The following CLMP variants were observed in gnomAD, a reference collection of about 807,000 sequenced individuals.
CLMP encodes the protein CXADR-like membrane protein.
A neutral mutation model predicts 45.2 loss-of-function variants in CLMP; 27 were observed. The observed-to-expected ratio is 0.60, with a 90% CI of 0.44 to 0.82. The LOEUF is 0.82. Ranked by LOEUF, CLMP falls within the 40% of genes least tolerant of loss-of-function variation. CLMP has a pLI of 0.00. For missense variants in CLMP, 403 were observed against 448.4 expected (o/e 0.90, Z 0.91); for synonymous variants, 167 against 171.4 (o/e 0.97, Z 0.20).
chr11:123,112,224 C>T (rs927833754), intron 1 of CLMP, among the ~76,000 whole-genome samples: 2 of 152,152 alleles, frequency 1.3e-5, no homozygotes, highest in African/African-American at 4.8e-5. Context: ...ATTACGAAAC[C>T]CTGGAATGCT....
chr11:123,075,243 C>T (rs959293883), intron 5 of CLMP, among the ~76,000 whole-genome samples: 2 of 152,174 alleles, frequency 1.3e-5, no homozygotes, highest in African/African-American at 4.8e-5. Context: ...CGGGAGCCAC[C>T]GCGCCGACCT....
At chr11:123,174,675 T>A (rs1861675910) in intron 1 of CLMP, among the ~76,000 whole-genome samples, 1 of 152,216 alleles carries the variant, frequency 6.6e-6, no homozygotes, top group Non-Finnish European at 1.5e-5. Context: ...GGCCCTTCTG[T>A]CTAGAGGTGG....
chr11:123,169,952 T>A (rs758014828), intron 1 of CLMP, among the ~76,000 whole-genome samples: 24 of 152,234 alleles, frequency 1.6e-4, no homozygotes, highest in Middle Eastern at 3.4e-3. Flanking sequence ...AGTTAAGGGG[T>A]TGTAAAGACC....
intron 1 of CLMP, among the ~76,000 whole-genome samples, chr11:123,170,003 C>G (rs1458555494): frequency 6.6e-6 from 1 of 152,148 alleles, no homozygotes; most frequent in East Asian, 1.9e-4. Context: ...GGTACGGCTT[C>G]AGAGACAATT....
At chr11:123,130,841 CTTTT>C (rs11322192) in intron 1 of CLMP, among the ~76,000 whole-genome samples, 4 of 126,272 alleles carry the variant, frequency 3.2e-5, no homozygotes, top group Non-Finnish European at 3.3e-5. Context: ...TTTTCTTTTC[CTTTT>C]TTTTTTTTTT....
At chr11:123,155,492 AC>A (rs1226307893) in intron 1 of CLMP, among the ~76,000 whole-genome samples, 2 of 152,204 alleles carry the variant, frequency 1.3e-5, no homozygotes, top group African/African-American at 4.8e-5. Flanking sequence ...TTTGGTACTT[AC>A]GCCCATCGTG....
Position 123,145,469 on chromosome 11 carries a change from T to TG in CLMP, c.29-47518_29-47517insC, listed in dbSNP as rs1316716231. ...CTGCGGCTGTTTTTTTTTTTTTTTT[T>TG]TTTTTTTTTTGAGACGGGAGTCTTG... On this transcript the variant is annotated intron_variant, in intron 1 of 6. Coordinates refer to ENST00000448775, the MANE Select transcript of CLMP (RefSeq NM_024769.5). Among the ~76,000 whole-genome samples, 551 of 103,358 alleles carry TG rather than the reference T, an allele frequency of 5.3e-3. 1 individual carries two copies. The highest frequency in any genetic ancestry group is 0.015 in the African/African-American group (316 of 21,740). 67.8% of individuals were successfully genotyped at this position (103,358 alleles called of 152,430 possible). A position where few individuals can be genotyped will look rare whatever the true frequency, so the allele number is the denominator to read the frequency against.
At chr11:123,115,576 T>C (rs74377334) in intron 1 of CLMP, among the ~76,000 whole-genome samples, 3,628 of 151,824 alleles carry the variant, frequency 0.024, 103 homozygotes, top group East Asian at 0.15. Flanking sequence ...GATTCCAGGG[T>C]ACAGAAACAG....
chr11:123,181,928 G>A (rs1861775693), intron 1 of CLMP, among the ~76,000 whole-genome samples: 1 of 152,158 alleles, frequency 6.6e-6, no homozygotes, highest in Admixed American at 6.5e-5. Flanking sequence ...CCCCTGGGCT[G>A]CCCTTATTTT....
rs1565398354 is a variant in CLMP, at chr11:123,152,567, A to AAAT, written c.28+42343_28+42345dup. Among the ~76,000 whole-genome samples the AAAT allele has an allele frequency of 3.3e-3, 453 of 138,426 alleles. 4 individuals carry two copies. The highest frequency in any genetic ancestry group is 0.012 in the African/African-American group (424 of 34,994). 90.8% of individuals were successfully genotyped at this position (138,426 alleles called of 152,430 possible). On this transcript the variant is annotated intron_variant, in intron 1 of 6. Coordinates refer to ENST00000448775, the MANE Select transcript of CLMP (RefSeq NM_024769.5). Reference sequence around the variant, plus strand: ...ATAAATAAATAAATAAATAAATAAAAAATAAATAAAATGAAAGCTAAGGAG... The same window carrying AAAT: ...ATAAATAAATAAATAAATAAATAAAAAATAATAAATAAAATGAAAGCTAAGGAG...
chr11:123,174,700 T>C (rs1861676376), intron 1 of CLMP, among the ~76,000 whole-genome samples: 1 of 152,140 alleles, frequency 6.6e-6, no homozygotes, highest in South Asian at 2.1e-4. Context: ...CTAATGTCCT[T>C]TATATTCTCT....
intron 1 of CLMP, among the ~76,000 whole-genome samples, chr11:123,180,517 TA>T (rs1419362982): frequency 6.6e-6 from 1 of 151,628 alleles, no homozygotes; most frequent in African/African-American, 2.4e-5. Context: ...CTGTGAGGAA[TA>T]CATTTCTGTT....
intron 4 of CLMP, 67 bp from the exon 5 acceptor site, chr11:123,083,274 A>T (rs1212495055): frequency 7.0e-7 from 1 of 1,438,550 alleles, no homozygotes; most frequent in Non-Finnish European, 9.6e-7. Flanking sequence ...TGTTTACTTT[A>T]TTGTATCACT....
intron 5 of CLMP, 93 bp from the exon 6 acceptor site, chr11:123,074,936 G>T: frequency 6.0e-6 from 8 of 1,337,424 alleles, no homozygotes; most frequent in South Asian, 1.4e-5. Context: ...GACAGAATGA[G>T]TATTTGCAGG....
intron 2 of CLMP, among the ~76,000 whole-genome samples, chr11:123,093,296 C>T (rs1180818106): frequency 2.6e-5 from 4 of 152,128 alleles, no homozygotes; most frequent in South Asian, 2.1e-4. Context: ...GGATAACATG[C>T]AGGCAAGCAT....
intron 1 of CLMP, among the ~76,000 whole-genome samples, chr11:123,141,062 C>T (rs1414226639): frequency 6.6e-6 from 1 of 152,090 alleles, no homozygotes; most frequent in African/African-American, 2.4e-5. Flanking sequence ...TTGCAAGCTT[C>T]CCAAGGCCTT....
At chr11:123,088,554 T>C (rs1865891503) in intron 2 of CLMP, among the ~76,000 whole-genome samples, 1 of 152,170 alleles carries the variant, frequency 6.6e-6, no homozygotes, top group African/African-American at 2.4e-5. Context: ...TTAGGAACTT[T>C]GGGGTTTTGT....
intron 1 of CLMP, among the ~76,000 whole-genome samples, chr11:123,115,109 A>G (rs1263171054): frequency 6.6e-6 from 1 of 152,056 alleles, no homozygotes; most frequent in East Asian, 1.9e-4. Context: ...TGGTGTGATC[A>G]TAGCTCACTG....
At chr11:123,103,840 T>C (rs1860492556) in intron 1 of CLMP, among the ~76,000 whole-genome samples, 1 of 151,228 alleles carries the variant, frequency 6.6e-6, no homozygotes, top group African/African-American at 2.4e-5. Context: ...CTCTTTTTTT[T>C]TTTTTTTGAG....
Sources: gnomAD v4.1 joint callset for allele counts (sites outside exome capture counted in the v4.1 genomes callset) on GRCh38, gnomAD v4.1.1 for gene constraint, MANE v1.5 for transcripts, NCBI Gene and HGNC (gene_info 2026-07-23, HGNC 2026-07-21) for gene names.